RUNDC3B: variants seen among roughly 807,000 people sequenced by gnomAD.
The protein encoded by RUNDC3B is RUN domain containing 3B.
Under a neutral mutation model 58.4 loss-of-function variants are expected in RUNDC3B, and 33 were observed. The ratio of observed to expected loss-of-function variants is 0.56; its 90% confidence interval spans 0.43 to 0.75. The LOEUF (loss-of-function observed/expected upper bound fraction) is 0.75, where lower values mean the gene tolerates loss of function less well. Among genes scored for constraint, RUNDC3B ranks in the 30% least tolerant of loss-of-function variants. The probability of loss-of-function intolerance (pLI) is 0.00; values close to 1 mark genes in which losing one functional copy is unlikely to be tolerated. For synonymous variants in RUNDC3B, 193 were observed against 195.2 expected (o/e 0.99, Z 0.10); for missense variants, 501 against 535.7 (o/e 0.94, Z 0.64).
chr7:87,706,270 G>A (rs990569583), intron 3 of RUNDC3B, among the ~76,000 whole-genome samples: 1 of 152,116 alleles, frequency 6.6e-6, no homozygotes, highest in African/African-American at 2.4e-5. Flanking sequence ...CAGTGCAGTG[G>A]GGGAGCTACT....
chr7:87,730,716 A>G (rs555807259), intron 4 of RUNDC3B, among the ~76,000 whole-genome samples: 4 of 152,080 alleles, frequency 2.6e-5, no homozygotes, highest in South Asian at 2.1e-4. Context: ...TTGAGAAAAC[A>G]TAAGTGGTAG....
intron 1 of RUNDC3B, among the ~76,000 whole-genome samples, chr7:87,638,418 G>A (rs1353089683): frequency 6.6e-6 from 1 of 151,334 alleles, no homozygotes; most frequent in African/African-American, 2.4e-5. Flanking sequence ...GTGTAAGACT[G>A]ATATTTCTTT....
chr7:87,685,897 A>G (rs1043352461), intron 2 of RUNDC3B, among the ~76,000 whole-genome samples: 1 of 152,224 alleles, frequency 6.6e-6, no homozygotes, highest in Admixed American at 6.5e-5. Flanking sequence ...TATAATATGT[A>G]AGATTCTAAC....
intron 10 of RUNDC3B, among the ~76,000 whole-genome samples, chr7:87,823,791 TAC>T (rs113441553): frequency 0.066 from 9,471 of 143,472 alleles, 329 homozygotes; most frequent in Non-Finnish European, 0.077. Flanking sequence ...TTCATATATA[TAC>T]ACACACACAC....
At chr7:87,812,433 A>C (rs905269103) in intron 9 of RUNDC3B, among the ~76,000 whole-genome samples, 2 of 152,206 alleles carry the variant, frequency 1.3e-5, no homozygotes, top group African/African-American at 4.8e-5. Context: ...ACATGGTGAA[A>C]CCGCATCTCC....
At chr7:87,674,783 G>T (rs1292535320) in intron 2 of RUNDC3B, among the ~76,000 whole-genome samples, 1 of 152,110 alleles carries the variant, frequency 6.6e-6, no homozygotes, top group African/African-American at 2.4e-5. Flanking sequence ...TGGAGCCCAA[G>T]GAGAGGCTAG....
chr7:87,635,892 G>A (rs1821717245), intron 1 of RUNDC3B, among the ~76,000 whole-genome samples: 2 of 152,134 alleles, frequency 1.3e-5, no homozygotes, highest in Non-Finnish European at 2.9e-5. Context: ...CATTATGTTT[G>A]TGAGGTTCAT....
chr7:87,828,595 G>A (rs1223657537), intron 10 of RUNDC3B, among the ~76,000 whole-genome samples: 1 of 151,684 alleles, frequency 6.6e-6, no homozygotes, highest in Non-Finnish European at 1.5e-5. Flanking sequence ...TGGTGTAGAT[G>A]TACCACATTT....
Position 87,674,913 on chromosome 7 carries a change from G to A in RUNDC3B, c.238+23976G>A, listed in dbSNP as rs76053309. 3.1e-3 allele frequency among the ~76,000 whole-genome samples: 468 copies of A among 152,282 alleles called. 6 individuals carry two copies. The East Asian group carries it at 0.049, about 16-fold the overall frequency. On this transcript the variant is annotated intron_variant, in intron 2 of 10. Coordinates refer to ENST00000394654, the MANE Select transcript of RUNDC3B (RefSeq NM_001134405.2). ...CCCACAGGAGCATGGTAAGCCTTGG[G>A]GGAGGGGCATCCTTGGATGTGCTCC...
intron 4 of RUNDC3B, among the ~76,000 whole-genome samples, chr7:87,719,787 G>T (rs1011987802): frequency 1.3e-5 from 2 of 151,530 alleles, no homozygotes; most frequent in Non-Finnish European, 3.0e-5. Flanking sequence ...TTTTGAAAAA[G>T]ACATAATTAA....
intron 4 of RUNDC3B, among the ~76,000 whole-genome samples, chr7:87,715,274 T>TTATATATAATTAATTTATAAA (rs1830462536): frequency 1.5e-5 from 2 of 132,142 alleles, no homozygotes; most frequent in African/African-American, 5.8e-5. Flanking sequence ...TAATTTATAA[T>TTATATATAATTAATTTATAAA]AATTATATAT....
At chr7:87,636,051 A>G (rs1021089420) in intron 1 of RUNDC3B, among the ~76,000 whole-genome samples, 1 of 152,054 alleles carries the variant, frequency 6.6e-6, no homozygotes, top group Non-Finnish European at 1.5e-5. Context: ...ATATTCATTC[A>G]TATTTATTTT....
chr7:87,723,494 C>A (rs895537237), intron 4 of RUNDC3B, among the ~76,000 whole-genome samples: 12 of 152,188 alleles, frequency 7.9e-5, no homozygotes, highest in African/African-American at 2.4e-4. Flanking sequence ...ATGTCCAATG[C>A]AATGCAAATG....
intron 8 of RUNDC3B, among the ~76,000 whole-genome samples, chr7:87,784,642 C>T (rs918959017): frequency 6.6e-6 from 1 of 151,058 alleles, no homozygotes; most frequent in Middle Eastern, 3.2e-3. Flanking sequence ...GCTTACTCAG[C>T]TATAAGCCTC....
intron 1 of RUNDC3B, among the ~76,000 whole-genome samples, chr7:87,637,524 T>C (rs1484489247): frequency 3.3e-5 from 5 of 151,888 alleles, no homozygotes; most frequent in Admixed American, 6.5e-5. Flanking sequence ...ATCTTTATGA[T>C]ATTAAGACTT....
intron 6 of RUNDC3B, among the ~76,000 whole-genome samples, chr7:87,766,113 C>A (rs1833964056): frequency 6.6e-6 from 1 of 152,060 alleles, no homozygotes; most frequent in African/African-American, 2.4e-5. Context: ...AATAGCTACT[C>A]TTGATCGTTT....
chr7:87,719,645 G>T (rs1830749291), intron 4 of RUNDC3B, among the ~76,000 whole-genome samples: 1 of 151,650 alleles, frequency 6.6e-6, no homozygotes, highest in Admixed American at 6.6e-5. Context: ...TAAAGAAGTA[G>T]TTATATAATA....
rs529731098 is a variant in RUNDC3B at position 87,740,820 on chromosome 7, C to T, written c.549-679C>T. 7.2e-5 allele frequency among the ~76,000 whole-genome samples: 11 copies of T among 152,220 alleles called. 1 individual carries two copies. In the South Asian group the frequency reaches 2.3e-3, roughly 32 times the overall value. Reference sequence around the variant, plus strand: ...GGAATGTGAAGGTTGTCTTTTTGATCCCTCTATGGATGTTAACTTTTTATA... The same window carrying T: ...GGAATGTGAAGGTTGTCTTTTTGATTCCTCTATGGATGTTAACTTTTTATA... On this transcript the variant is annotated intron_variant, in intron 5 of 10. Coordinates refer to ENST00000394654, the MANE Select transcript of RUNDC3B (RefSeq NM_001134405.2).
intron 4 of RUNDC3B, among the ~76,000 whole-genome samples, chr7:87,735,691 A>G (rs1831884520): frequency 6.6e-6 from 1 of 152,196 alleles, no homozygotes; most frequent in African/African-American, 2.4e-5. Flanking sequence ...GCCCTGTGTG[A>G]TCAGACATCT....
Sources: gnomAD v4.1 joint callset for allele counts (sites outside exome capture counted in the v4.1 genomes callset) on GRCh38, gnomAD v4.1.1 for gene constraint, MANE v1.5 for transcripts, NCBI Gene and HGNC (gene_info 2026-07-23, HGNC 2026-07-21) for gene names.